OSBPL9: variants seen among roughly 807,000 people sequenced by gnomAD.
OSBPL9 encodes oxysterol binding protein like 9, also known as oxysterol-binding protein-related protein 9.
In OSBPL9, 40 loss-of-function variants were observed where a neutral mutation model predicts 106.6. The ratio of observed to expected loss-of-function variants is 0.38; its 90% CI spans 0.29 to 0.49. The LOEUF is 0.49. Among genes scored for constraint, OSBPL9 ranks in the 20% least tolerant of loss-of-function variants. OSBPL9 has a pLI of 0.97. For missense variants in OSBPL9, 609 were observed against 887.2 expected, an observed-to-expected ratio of 0.69 and a Z score of 3.98; for synonymous variants, 269 against 295.4, an observed-to-expected ratio of 0.91 and a Z score of 0.92.
chr1:51,608,204 A>G (rs1643961819), intron 2 of OSBPL9, among the ~76,000 whole-genome samples: 1 of 152,216 alleles, frequency 6.6e-6, no homozygotes, highest in African/African-American at 2.4e-5. Flanking sequence ...AGATCTTCTC[A>G]GGAAGCTGCT....
At chr1:51,751,427 T>C (rs190884885) in intron 8 of OSBPL9, among the ~76,000 whole-genome samples, 1 of 152,146 alleles carries the variant, frequency 6.6e-6, no homozygotes, top group African/African-American at 2.4e-5. Flanking sequence ...GTTAGTGATA[T>C]CTAGATTTCC....
chr1:51,601,865 T>C (rs1008597863), intron 2 of OSBPL9, among the ~76,000 whole-genome samples: 2 of 152,098 alleles, frequency 1.3e-5, no homozygotes, highest in South Asian at 4.1e-4. Flanking sequence ...CAGAAGGTAT[T>C]CTTATCCTTA....
intron 3 of OSBPL9, among the ~76,000 whole-genome samples, chr1:51,676,887 T>A (rs910370602): frequency 6.6e-6 from 1 of 152,210 alleles, no homozygotes; most frequent in African/African-American, 2.4e-5. Flanking sequence ...GTGTTGGTGT[T>A]TGTGGTAGTG....
chr1:51,682,707 A>G (rs1652842044), intron 3 of OSBPL9, among the ~76,000 whole-genome samples: 1 of 151,666 alleles, frequency 6.6e-6, no homozygotes, highest in South Asian at 2.1e-4. Context: ...TAGTGAGCCG[A>G]GATCACACCA....
At chr1:51,657,533 T>A (rs79475552) in intron 2 of OSBPL9, among the ~76,000 whole-genome samples, 1,812 of 152,328 alleles carry the variant, frequency 0.012, 38 homozygotes, top group African/African-American at 0.042. Context: ...ATTCTTAATG[T>A]TACTAGGCTC....
At chr1:51,759,179 A>G (rs940104490) in intron 9 of OSBPL9, among the ~76,000 whole-genome samples, 2 of 151,574 alleles carry the variant, frequency 1.3e-5, no homozygotes, top group Non-Finnish European at 2.9e-5. Context: ...TTTTTCAGTT[A>G]AAGTATTTGT....
At chr1:51,565,586 A>T in the OSBPL9 span, 1 of 152,248 alleles carries the variant, frequency 6.6e-6, no homozygotes, top group Non-Finnish European at 1.5e-5. Context: ...GTAAGTATTA[A>T]AATAATACCT....
At chr1:51,694,389 C>T (rs544525516) in intron 3 of OSBPL9, among the ~76,000 whole-genome samples, 13 of 152,094 alleles carry the variant, frequency 8.5e-5, no homozygotes, top group African/African-American at 2.2e-4. Context: ...ATGAGTTGTT[C>T]GGATTGAAGT....
the OSBPL9 span, among the ~76,000 whole-genome samples, chr1:51,555,310 C>T: frequency 6.6e-6 from 1 of 151,618 alleles, no homozygotes; most frequent in African/African-American, 2.4e-5. Context: ...ACCAACATGG[C>T]GAAACCCTGT....
intron 1 of OSBPL9, among the ~76,000 whole-genome samples, chr1:51,586,877 T>TC (rs1645250504): frequency 6.6e-6 from 1 of 152,156 alleles, no homozygotes; most frequent in Admixed American, 6.6e-5. Context: ...CAGTCACCAC[T>TC]CCAAGTCCCT....
intron 1 of OSBPL9, among the ~76,000 whole-genome samples, chr1:51,621,588 G>A (rs1298488510): frequency 2.0e-5 from 3 of 151,814 alleles, no homozygotes; most frequent in Admixed American, 6.6e-5. Context: ...CTAAATAGTA[G>A]TATTTATTAA....
intron 4 of OSBPL9, among the ~76,000 whole-genome samples, chr1:51,726,017 GTTGA>G (rs1288209666): frequency 6.6e-6 from 1 of 152,234 alleles, no homozygotes; most frequent in African/African-American, 2.4e-5. Context: ...AACATAAACA[GTTGA>G]TTAATACATA....
chr1:51,609,342 C>CCT (rs1557583432), intron 2 of OSBPL9, among the ~76,000 whole-genome samples: 6 of 138,256 alleles, frequency 4.3e-5, no homozygotes, highest in Non-Finnish European at 4.7e-5. Context: ...CTTCTCTCTC[C>CCT]TTTTTTTTTT....
intron 7 of OSBPL9, 118 bp from the exon 8 acceptor site, chr1:51,750,023 ATTTC>A (rs1436561581): frequency 5.8e-6 from 3 of 521,082 alleles, no homozygotes; most frequent in Non-Finnish European, 9.7e-6. Flanking sequence ...CAAAGAGGAT[ATTTC>A]TTGTGTAGTA....
intron 2 of OSBPL9, among the ~76,000 whole-genome samples, chr1:51,599,488 T>G (rs967741464): frequency 6.6e-6 from 1 of 152,070 alleles, no homozygotes; most frequent in African/African-American, 2.4e-5. Flanking sequence ...TAGATGAATT[T>G]TAAAAAAATT....
chr1:51,754,576 T>C (rs375285045), intron 8 of OSBPL9, among the ~76,000 whole-genome samples: 38 of 152,334 alleles, frequency 2.5e-4, no homozygotes, highest in African/African-American at 8.9e-4. Flanking sequence ...CAGTTCCTGT[T>C]GATTATCCTA....
At chr1:51,696,400 AAACAAC>A (rs774789421) in intron 3 of OSBPL9, among the ~76,000 whole-genome samples, 1 of 152,122 alleles carries the variant, frequency 6.6e-6, no homozygotes, top group Non-Finnish European at 1.5e-5. Context: ...AGTCCTCTAA[AAACAAC>A]AACAACAACA....
At chr1:51,628,830 C>A (rs1427569679) in intron 1 of OSBPL9, among the ~76,000 whole-genome samples, 1 of 151,238 alleles carries the variant, frequency 6.6e-6, no homozygotes, top group Non-Finnish European at 1.5e-5. Flanking sequence ...ATTACAGGTG[C>A]GTGCCACCAT....
At chr1:51,730,759 A>C (rs1664197622) in intron 4 of OSBPL9, among the ~76,000 whole-genome samples, 1 of 152,204 alleles carries the variant, frequency 6.6e-6, no homozygotes, top group Admixed American at 6.5e-5. Flanking sequence ...AATTTGAAGT[A>C]ATACTTTGTT....
Sources: gnomAD v4.1 joint callset for allele counts (sites outside exome capture counted in the v4.1 genomes callset) on GRCh38, gnomAD v4.1.1 for gene constraint, MANE v1.5 for transcripts, NCBI Gene and HGNC (gene_info 2026-07-23, HGNC 2026-07-21) for gene names.